MEIOSIN: variants seen among roughly 807,000 people sequenced by gnomAD.
MEIOSIN encodes the protein meiosis initiator protein.
A neutral mutation model predicts 23.4 loss-of-function variants in MEIOSIN; 18 were observed. The ratio of observed to expected loss-of-function variants is 0.77; its 90% CI spans 0.53 to 1.14. The LOEUF is 1.14. Among genes scored for constraint, MEIOSIN ranks in the 50% most tolerant of loss-of-function variants. The pLI is 0.00. For missense variants in MEIOSIN, 428 were observed against 242.9 expected, an observed-to-expected ratio of 1.76 and a Z score of -5.07; for synonymous variants, 187 against 100.6, an observed-to-expected ratio of 1.86 and a Z score of -5.14.
At chr19:45,741,278 C>T (rs993579178) in intron 3 of MEIOSIN, among the ~76,000 whole-genome samples, 3 of 150,670 alleles carry the variant, frequency 2.0e-5, no homozygotes, top group Non-Finnish European at 4.4e-5. Context: ...ATCTGGGAGG[C>T]GGAGATTTCA....
At chr19:45,748,529 C>G (rs1600381748) in intron 4 of MEIOSIN, among the ~76,000 whole-genome samples, 2 of 152,180 alleles carry the variant, frequency 1.3e-5, no homozygotes, top group Non-Finnish European at 2.9e-5. Flanking sequence ...ACCTGTTGAT[C>G]TTACCTTCAG....
chr19:45,760,654 C>A (rs984283179), intron 11 of MEIOSIN, among the ~76,000 whole-genome samples: 3 of 151,610 alleles, frequency 2.0e-5, no homozygotes, highest in Non-Finnish European at 4.4e-5. Flanking sequence ...TGTGGCCGGG[C>A]GTGGTGGCTC....
At chr19:45,740,887 T>A (rs1040934393) in intron 3 of MEIOSIN, among the ~76,000 whole-genome samples, 1 of 151,962 alleles carries the variant, frequency 6.6e-6, no homozygotes, top group African/African-American at 2.4e-5. Flanking sequence ...ACTTTAGAAG[T>A]CTGAGCAGCT....
At chr19:45,762,239 G>C in intron 13 of MEIOSIN, 56 bp downstream of exon 13, 1 of 404,330 alleles carries the variant, frequency 2.5e-6, no homozygotes, top group Non-Finnish European at 4.3e-6. Context: ...TTCTCTGCCC[G>C]CAGCCTGGCC....
At chr19:45,757,022 T>A (rs1036214666) in intron 8 of MEIOSIN, among the ~76,000 whole-genome samples, 155 bp from the exon 9 acceptor site, 3 of 152,152 alleles carry the variant, frequency 2.0e-5, no homozygotes, top group African/African-American at 7.2e-5. Context: ...GCTATCCTCA[T>A]GAGACTGTAA....
At chr19:45,738,800 T>A (rs1968452760) in intron 2 of MEIOSIN, among the ~76,000 whole-genome samples, 1 of 152,176 alleles carries the variant, frequency 6.6e-6, no homozygotes, top group African/African-American at 2.4e-5. Context: ...CTAGATACTA[T>A]GCTCAGAAGA....
chr19:45,735,177 A>G (rs1968389738), intron 1 of MEIOSIN, among the ~76,000 whole-genome samples, 200 bp from the exon 2 acceptor site: 1 of 152,050 alleles, frequency 6.6e-6, no homozygotes, highest in African/African-American at 2.4e-5. Flanking sequence ...TACAGGTGTG[A>G]GCTACCACTT....
At chr19:45,746,111 G>A (rs1484501293) in intron 4 of MEIOSIN, among the ~76,000 whole-genome samples, 1 of 152,122 alleles carries the variant, frequency 6.6e-6, no homozygotes, top group Admixed American at 6.5e-5. Flanking sequence ...TGAGACTACA[G>A]GCTCATGCCA....
chr19:45,755,982 A>T lies in MEIOSIN; in HGVS notation c.815A>T (p.Gln272Leu), dbSNP rs1439533353. 1 of 702,692 alleles carries T rather than the reference A, an allele frequency of 1.4e-6. No individual in the cohort carries two copies. Among genetic ancestry groups the T allele is most frequent in the Non-Finnish European group, 2.6e-6 (1 of 384,992 alleles). 43.5% of individuals were successfully genotyped at this position (702,692 alleles called of 1,614,324 possible). A position where few individuals can be genotyped will look rare whatever the true frequency, so the allele number is the denominator to read the frequency against. ...IHCDISSCWC[Q>L]GSVQDDAPFP... Reference sequence around the variant, plus strand: ...ATCTGCCCCTTAGGCTGCTGGTGCCAGGGCAGTGTCCAGGATGACGCACCT... The same window carrying T: ...ATCTGCCCCTTAGGCTGCTGGTGCCTGGGCAGTGTCCAGGATGACGCACCT... The change falls in exon 8 of 15, where the codon CAG becomes CTG. Residue 272 changes from glutamine to leucine, a missense_variant. Physicochemically the swap from Gln to Leu is moderately radical, Grantham distance 113 (BLOSUM62 -2). Coordinates refer to ENST00000457052, the MANE Select transcript of MEIOSIN (RefSeq NM_001310124.2).
chr19:45,742,284 G>A (rs1241186940), intron 3 of MEIOSIN, among the ~76,000 whole-genome samples: 5 of 152,112 alleles, frequency 3.3e-5, no homozygotes, highest in African/African-American at 1.2e-4. Flanking sequence ...GGGATTACAG[G>A]TGTGAGCCAC....
At position 45,741,893 on chromosome 19, in the gene MEIOSIN, C is replaced by T. The variant is rs537209348; in HGVS notation, c.176+2163C>T. ...TTATTTATTTATTTATTTTTTGAGA[C>T]GGAGCTTTTGCTCTTGTTGCCCAGG... On this transcript the variant is annotated intron_variant, in intron 3 of 14. Coordinates refer to ENST00000457052, the MANE Select transcript of MEIOSIN (RefSeq NM_001310124.2). 2.6e-5 allele frequency among the ~76,000 whole-genome samples: 4 copies of T among 151,802 alleles called. No individual in the cohort carries two copies. In the South Asian group the frequency reaches 6.2e-4, roughly 24 times the overall value.
intron 4 of MEIOSIN, 68 bp downstream of exon 4, chr19:45,745,389 C>T: frequency 1.5e-6 from 1 of 670,704 alleles, no homozygotes; most frequent in Non-Finnish European, 2.7e-6. Context: ...AATGGGTCAC[C>T]CTCTCCTGGG....
Position 45,756,022 on chromosome 19 carries a change from G to T in MEIOSIN, c.855G>T (p.Leu285=). Residue 285 remains leucine, a synonymous_variant, in exon 8 of 15, where the codon CTG becomes CTT. Coordinates refer to ENST00000457052, the MANE Select transcript of MEIOSIN (RefSeq NM_001310124.2). ...ATGACGCACCTTTCCCTGCGCTCCT[G>T]GCTCAGGAAGATGTGGCGAGGATCC... ...VQDDAPFPAL[L]AQEDVARIHF... The T allele has an allele frequency of 4.3e-6, 3 of 702,916 alleles. No homozygotes were observed. Among genetic ancestry groups the T allele is most frequent in the South Asian group, 1.5e-5 (1 of 67,592 alleles). The allele number at this position is 702,916 out of a possible 1,614,324, so 43.5% of individuals were successfully genotyped here. A position where few individuals can be genotyped will look rare whatever the true frequency, so the allele number is the denominator to read the frequency against.
chr19:45,742,505 C>T (rs1054938217), intron 3 of MEIOSIN, among the ~76,000 whole-genome samples: 1 of 151,864 alleles, frequency 6.6e-6, no homozygotes, highest in African/African-American at 2.4e-5. Context: ...GCAGGCCAGG[C>T]GCGGTGGCTC....
In MEIOSIN at chr19:45,757,102, G is replaced by A. The variant is rs1479878246; in HGVS notation, c.912-75G>A. 5.9e-6 allele frequency: 4 copies of A among 679,170 alleles called. No individual in the cohort carries two copies. The Admixed American group carries it at 8.2e-5, about 14-fold the overall frequency. 42.1% of individuals were successfully genotyped at this position (679,170 alleles called of 1,614,324 possible). ...CAGCACTCCCCCAGGGGCCAGTGCAGAGTGCCAAAGGGGCCCCATAGCAGT... is the reference window on the plus strand; with the variant it reads ...CAGCACTCCCCCAGGGGCCAGTGCAAAGTGCCAAAGGGGCCCCATAGCAGT... On this transcript the variant is annotated intron_variant, in intron 8 of 14. Transcript: ENST00000457052.
At chr19:45,734,615 C>A (rs1432350183) in intron 1 of MEIOSIN, among the ~76,000 whole-genome samples, 1 of 151,742 alleles carries the variant, frequency 6.6e-6, no homozygotes, top group Non-Finnish European at 1.5e-5. Context: ...ACCATCCCCC[C>A]ACCTCAGGCT....
In MEIOSIN at chr19:45,760,831, G is replaced by A. The variant is rs183279663; in HGVS notation, c.1246-848G>A. Among the ~76,000 whole-genome samples the A allele has an allele frequency of 4.8e-4, 73 of 151,780 alleles. 1 individual carries two copies. Among genetic ancestry groups the A allele is most frequent in the Admixed American group, 1.0e-3 (16 of 15,242 alleles). ...TAACCCCAGTTACTCAGGAGTCTGAGGCAGGAGAATCACTTGAACCCAAGA... is the reference window on the plus strand; with the variant it reads ...TAACCCCAGTTACTCAGGAGTCTGAAGCAGGAGAATCACTTGAACCCAAGA... On this transcript the variant is annotated intron_variant, in intron 11 of 14. Coordinates refer to ENST00000457052, the MANE Select transcript of MEIOSIN (RefSeq NM_001310124.2).
At chr19:45,755,786 C>T (rs1968813021) in intron 7 of MEIOSIN, among the ~76,000 whole-genome samples, 184 bp from the exon 8 acceptor site, 1 of 152,134 alleles carries the variant, frequency 6.6e-6, no homozygotes, top group South Asian at 2.1e-4. Flanking sequence ...TTCAAAAAAC[C>T]CAGGGGTGAT....
chr19:45,756,874 C>T (rs1968840897), intron 8 of MEIOSIN, among the ~76,000 whole-genome samples: 1 of 152,206 alleles, frequency 6.6e-6, no homozygotes, highest in Admixed American at 6.5e-5. Context: ...CTGAGCTTCT[C>T]ACATTCCAGT....
Sources: allele counts gnomAD v4.1 joint callset (sites outside exome capture counted in the v4.1 genomes callset), GRCh38; gene constraint gnomAD v4.1.1; transcripts MANE v1.5; gene names NCBI Gene and HGNC (gene_info 2026-07-23, HGNC 2026-07-21).